CALU: variants seen among roughly 807,000 people sequenced by gnomAD.
The protein encoded by CALU is calumenin.
In CALU, 13 loss-of-function variants were observed where a neutral mutation model predicts 37.5. The ratio of observed to expected loss-of-function variants is 0.35; its 90% CI spans 0.23 to 0.55. The LOEUF is 0.55. CALU is among the 20% of genes least tolerant of loss of function. The pLI, the probability that CALU is intolerant of heterozygous loss-of-function variation, is 0.89. For synonymous variants in CALU, 114 were observed against 133.8 expected, an observed-to-expected ratio of 0.85 and a Z score of 1.02; for missense variants, 282 against 391.7, an observed-to-expected ratio of 0.72 and a Z score of 2.36.
chr7:128,745,702 C>T (rs570861398), intron 1 of CALU, among the ~76,000 whole-genome samples: 1 of 152,316 alleles, frequency 6.6e-6, no homozygotes, highest in Non-Finnish European at 1.5e-5. Flanking sequence ...CGCTAAATCT[C>T]GGATTTTCTG....
intron 4 of CALU, 98 bp downstream of exon 4, chr7:128,759,135 A>ATATATGCTATATAGCATATCACTG: frequency 1.2e-6 from 1 of 807,508 alleles, no homozygotes; most frequent in Non-Finnish European, 2.0e-6. Context: ...TCTTATATAT[A>ATATATGCTATATAGCATATCACTG]TATATGCTAT....
At chr7:128,749,188 T>C (rs1339211296) in intron 2 of CALU, among the ~76,000 whole-genome samples, 4 of 152,256 alleles carry the variant, frequency 2.6e-5, no homozygotes, top group African/African-American at 9.6e-5. Context: ...GCCAAGTCTT[T>C]GATGGGCTAA....
intron 5 of CALU, among the ~76,000 whole-genome samples, chr7:128,765,725 T>C (rs1474958615): frequency 6.6e-6 from 1 of 152,264 alleles, no homozygotes; most frequent in Non-Finnish European, 1.5e-5. Context: ...TGCATTTCTT[T>C]GACACATTTT....
At chr7:128,745,178 C>T (rs1436583093) in intron 1 of CALU, among the ~76,000 whole-genome samples, 1 of 152,190 alleles carries the variant, frequency 6.6e-6, no homozygotes, top group Non-Finnish European at 1.5e-5. Flanking sequence ...TCCCCTTAGG[C>T]ATAAGGAAAA....
At chr7:128,768,863 A>AAAAAAAAAAAC (rs1554368156) in intron 6 of CALU, among the ~76,000 whole-genome samples, 200 bp from the exon 7 acceptor site, 23 of 148,042 alleles carry the variant, frequency 1.6e-4, no homozygotes, top group African/African-American at 6.0e-4. Context: ...AAAAAAAAAA[A>AAAAAAAAAAAC]AAAAACAAGG....
At chr7:128,740,194 G>A (rs535888665) in intron 1 of CALU, among the ~76,000 whole-genome samples, 1 of 152,316 alleles carries the variant, frequency 6.6e-6, no homozygotes, top group South Asian at 2.1e-4. Context: ...AGAGTGGCTT[G>A]CAGTTTCAAA....
intron 1 of CALU, among the ~76,000 whole-genome samples, chr7:128,740,321 C>T (rs1800185755): frequency 6.6e-6 from 1 of 152,122 alleles, no homozygotes; most frequent in East Asian, 1.9e-4. Context: ...AATTGAGTTG[C>T]GTTCATTTTC....
rs190871072 is a variant in CALU, at chr7:128,748,267, A to G, written c.-11-306A>G. 1.3e-4 allele frequency: 120 copies of G among 901,050 alleles called. 2 individuals carry two copies. The East Asian group carries it at 2.9e-3, about 21-fold the overall frequency. The allele number at this position is 901,050 out of a possible 1,614,324, so 55.8% of individuals were successfully genotyped here. ...CTTTTAATTCTTATGAACTTGGGCA[A>G]AAGGATTAAAATTCTACTTTGGTAT... On this transcript the variant is annotated intron_variant, in intron 1 of 6. Transcript: ENST00000249364.
At chr7:128,766,425 C>CTTTTTTTTTTTTTT (rs11288081) in intron 5 of CALU, among the ~76,000 whole-genome samples, 1 of 95,008 alleles carries the variant, frequency 1.1e-5, no homozygotes, top group African/African-American at 4.4e-5. Context: ...ATTTCTTTTT[C>CTTTTTTTTTTTTTT]TTTTTTTTTT....
At chr7:128,761,763 C>T (rs1374026469) in intron 5 of CALU, among the ~76,000 whole-genome samples, 1 of 152,020 alleles carries the variant, frequency 6.6e-6, no homozygotes, top group African/African-American at 2.4e-5. Context: ...TCAGATAAGC[C>T]CGTTTGTTTT....
intron 3 of CALU, among the ~76,000 whole-genome samples, chr7:128,755,525 T>C (rs1800849125): frequency 1.3e-5 from 2 of 152,208 alleles, no homozygotes; most frequent in Admixed American, 1.3e-4. Flanking sequence ...TTACTGAAGT[T>C]TGGAAATGAA....
At chr7:128,744,551 C>A (rs17396823) in intron 1 of CALU, among the ~76,000 whole-genome samples, 2 of 151,770 alleles carry the variant, frequency 1.3e-5, no homozygotes, top group Non-Finnish European at 1.5e-5. Flanking sequence ...TCATTCCTCC[C>A]TGCAGAAAGA....
intron 5 of CALU, among the ~76,000 whole-genome samples, chr7:128,764,212 G>A (rs1013333877): frequency 1.6e-4 from 24 of 152,064 alleles, no homozygotes; most frequent in Admixed American, 6.5e-5. Flanking sequence ...TGAATCACTT[G>A]AGCCCAGGAG....
intron 5 of CALU, 55 bp from the exon 6 acceptor site, chr7:128,767,401 G>C: frequency 1.5e-6 from 2 of 1,350,562 alleles, no homozygotes; most frequent in Non-Finnish European, 2.1e-6. Flanking sequence ...ATTAGCATGA[G>C]GCAGTTTTGG....
chr7:128,766,084 G>GTAGC (rs1372745447), intron 5 of CALU, among the ~76,000 whole-genome samples: 1 of 152,096 alleles, frequency 6.6e-6, no homozygotes, highest in African/African-American at 2.4e-5. Context: ...AGCCTCCCCA[G>GTAGC]TAGCTGGAGA....
intron 5 of CALU, among the ~76,000 whole-genome samples, chr7:128,760,685 G>A (rs558228398): frequency 6.6e-6 from 1 of 152,302 alleles, no homozygotes; most frequent in Non-Finnish European, 1.5e-5. Context: ...GAGGCGGGCG[G>A]ATCACAAGGT....
At chr7:128,754,134 C>T in intron 2 of CALU, 128 bp from the exon 3 acceptor site, 5 of 675,816 alleles carry the variant, frequency 7.4e-6, no homozygotes, top group Admixed American at 3.0e-5. Flanking sequence ...TTTTCAGTTG[C>T]TGGCCTGGCA....
At position 128,766,603 on chromosome 7, in the gene CALU, A is replaced by G. The variant is rs147845899; in HGVS notation, c.644-853A>G. Among the ~76,000 whole-genome samples, 83 of 151,366 alleles carry G rather than the reference A, an allele frequency of 5.5e-4. 1 individual carries two copies. Among genetic ancestry groups the G allele is most frequent in the African/African-American group, 1.9e-3 (79 of 41,274 alleles). On this transcript the variant is annotated intron_variant, in intron 5 of 6. Transcript: ENST00000249364. ...ACCACCATGCTCAGCTAATTTTTGT[A>G]TTTTTAGTAGAGATGGGGTTTTGCC...
intron 1 of CALU, 174 bp from the exon 2 acceptor site, chr7:128,748,399 T>A: frequency 6.9e-7 from 1 of 1,445,590 alleles, no homozygotes; most frequent in Non-Finnish European, 9.3e-7. Flanking sequence ...AATTGAAGAG[T>A]CTGATATTCC....
Sources: allele counts gnomAD v4.1 joint callset (sites outside exome capture counted in the v4.1 genomes callset), GRCh38; gene constraint gnomAD v4.1.1; transcripts MANE v1.5; gene names NCBI Gene and HGNC (gene_info 2026-07-23, HGNC 2026-07-21).